Variants in SSH1 observed in about 807,000 individuals in gnomAD.
SSH1 encodes slingshot protein phosphatase 1.
Under a neutral mutation model 79.7 loss-of-function variants are expected in SSH1, and 43 were observed. The ratio of observed to expected loss-of-function variants is 0.54; its 90% CI spans 0.42 to 0.70. The LOEUF is 0.70. Ranked by LOEUF, SSH1 falls within the 30% of genes least tolerant of loss-of-function variation. The probability of loss-of-function intolerance (pLI) is 0.00; values close to 1 mark genes in which losing one functional copy is unlikely to be tolerated. For missense variants in SSH1, 1,206 were observed against 1,358.8 expected, an observed-to-expected ratio of 0.89 and a Z score of 1.77; for synonymous variants, 599 against 538.3, an observed-to-expected ratio of 1.11 and a Z score of -1.56.
chr12:108,825,259 G>A (rs2038268353), intron 2 of SSH1, among the ~76,000 whole-genome samples: 4 of 152,268 alleles, frequency 2.6e-5, no homozygotes, highest in African/African-American at 9.6e-5. Flanking sequence ...ACAGAAAGAC[G>A]AAGATGTTTT....
intron 2 of SSH1, among the ~76,000 whole-genome samples, chr12:108,832,314 AAAAGAAAAGAAAAG>A (rs2038494608): frequency 1.0e-5 from 1 of 97,330 alleles, no homozygotes; most frequent in African/African-American, 4.0e-5. Flanking sequence ...CCCGCCTCCC[AAAAGAAAAGAAAAG>A]AAAGAAAAGA....
At chr12:108,796,048 T>A (rs2036737777) in intron 13 of SSH1, among the ~76,000 whole-genome samples, 1 of 151,654 alleles carries the variant, frequency 6.6e-6, no homozygotes, top group Non-Finnish European at 1.5e-5. Flanking sequence ...TCCAAGTAGC[T>A]GGGATTACAG....
At chr12:108,829,591 G>C (rs769589877) in intron 2 of SSH1, among the ~76,000 whole-genome samples, 2 of 152,178 alleles carry the variant, frequency 1.3e-5, no homozygotes, top group East Asian at 3.8e-4. Context: ...TGATCTGGGT[G>C]TCTGCCCTGC....
intron 14 of SSH1, 34 bp downstream of exon 14, chr12:108,792,252 G>A (rs752493265): frequency 1.2e-6 from 2 of 1,614,148 alleles, no homozygotes. Context: ...GGAAGGGATG[G>A]GGTGTGCCAC....
chr12:108,841,152 C>A (rs78705610), intron 2 of SSH1, among the ~76,000 whole-genome samples: 3,334 of 152,296 alleles, frequency 0.022, 130 homozygotes, highest in African/African-American at 0.077. Flanking sequence ...CAGATGACGC[C>A]TCTCAAGATG....
At chr12:108,804,937 G>A in intron 10 of SSH1, 119 bp downstream of exon 10, 1 of 1,256,196 alleles carries the variant, frequency 8.0e-7, no homozygotes, top group Non-Finnish European at 1.1e-6. Context: ...CCAGGATGGA[G>A]GCTCTGGCAA....
In SSH1 at chr12:108,789,237, G is replaced by A. The variant is rs1403760937; in HGVS notation, c.1901C>T (p.Ala634Val). ...CACTTTGTTAAGGATCCCAAATATA[G>A]CATCATCCTGCAAGGAAGGGGACAA... is the stretch of plus-strand genomic sequence containing the variant. ...RSCPNGMEDDAIFGILNKVKP... is the reference protein window; with the variant it reads ...RSCPNGMEDDVIFGILNKVKP... Residue 634 changes from alanine to valine, a missense_variant, in exon 15 of 15, where the codon GCT becomes GTT. Transcript: ENST00000326495. The A allele has an allele frequency of 6.3e-7, 1 of 1,592,838 alleles. No homozygotes were observed. Among genetic ancestry groups the A allele is most frequent in the South Asian group, 1.1e-5 (1 of 88,150 alleles).
chr12:108,823,267 T>C lies in SSH1; in HGVS notation c.205A>G (p.Lys69Glu). ...AACTTAGAGCCCTCACCTGCATGCT[T>C]GTGGGGGTGCTGAAGACTCCGCTGG... The part of the protein sequence containing the change: ...QGQRSLQHPH[K>E]HAGDLPQHLQ... The change falls in exon 3 of 15, where the codon AAG (lysine) becomes GAG (glutamate). Residue 69 changes from lysine (K) to glutamate (E), a missense_variant. This residue lies in a region of SSH1 where 100 missense variants were observed against 82.3 expected (regional missense o/e 1.21). Coordinates refer to ENST00000326495, the MANE Select transcript of SSH1 (RefSeq NM_018984.4). 6.3e-7 allele frequency: 1 copy of C among 1,584,150 alleles called. No individual in the cohort carries two copies. Among genetic ancestry groups the C allele is most frequent in the Admixed American group, 1.8e-5 (1 of 55,356 alleles).
At chr12:108,840,197 C>A (rs2038742232) in intron 2 of SSH1, among the ~76,000 whole-genome samples, 1 of 152,172 alleles carries the variant, frequency 6.6e-6, no homozygotes, top group South Asian at 2.1e-4. Flanking sequence ...GCAGGAGCCC[C>A]CGCACCCTCC....
intron 5 of SSH1, among the ~76,000 whole-genome samples, chr12:108,816,823 A>AAT (rs2037910285): frequency 6.6e-6 from 1 of 152,174 alleles, no homozygotes; most frequent in Non-Finnish European, 1.5e-5. Context: ...CTCTCAATTG[A>AAT]CTGAGTTCTG....
chr12:108,807,865 C>G lies in SSH1; in HGVS notation c.537-38G>C. 2 of 1,599,282 alleles carry G rather than the reference C, an allele frequency of 1.3e-6. No individual in the cohort carries two copies. The highest frequency in any genetic ancestry group is 1.7e-6 in the Non-Finnish European group (2 of 1,168,192). ...GAAGACAGGGTCAGGCCTGGGAAGGCACAAGAGATGCAGGGTTTTCTCCTC... is the reference window on the plus strand; with the variant it reads ...GAAGACAGGGTCAGGCCTGGGAAGGGACAAGAGATGCAGGGTTTTCTCCTC... On this transcript the variant is annotated intron_variant, in intron 7 of 14. Transcript: ENST00000326495. This position sits in a 1 kb window ranked among gnomAD's most constrained non-coding sequence, Gnocchi z 5.2.
At chr12:108,842,097 C>T (rs548907773) in intron 2 of SSH1, among the ~76,000 whole-genome samples, 2 of 151,954 alleles carry the variant, frequency 1.3e-5, no homozygotes, top group Non-Finnish European at 2.9e-5. Context: ...CCACTGTACT[C>T]CAGTCTGGGC....
In SSH1 at chr12:108,799,173, A is replaced by G; in HGVS notation, c.1176T>C (p.His392=). The G allele has an allele frequency of 6.2e-7, 1 of 1,614,040 alleles. No homozygotes were observed. The highest frequency in any genetic ancestry group is 8.5e-7 in the Non-Finnish European group (1 of 1,179,974). ...AKRNHSKCLV[H]CKMGVSRSAS... ...CCGAGCGACTCACGCCCATTTTGCA[A>G]TGCACCAGGCACTTGGAATGGTTCC... Residue 392 remains histidine (H), a synonymous_variant, in exon 13 of 15, where the codon CAT becomes CAC. Transcript: ENST00000326495.
intron 7 of SSH1, among the ~76,000 whole-genome samples, chr12:108,809,296 A>AT (rs923040127): frequency 2.6e-5 from 4 of 151,844 alleles, no homozygotes; most frequent in African/African-American, 7.3e-5. Flanking sequence ...TACAAAAAAA[A>AT]AAATAGAAAA....
At chr12:108,832,052 A>G (rs1447062297) in intron 2 of SSH1, among the ~76,000 whole-genome samples, 1 of 152,188 alleles carries the variant, frequency 6.6e-6, no homozygotes, top group African/African-American at 2.4e-5. Context: ...TTGTCCCTAC[A>G]TTTTTCCACT....
intron 1 of SSH1, chr12:108,853,176 G>A: frequency 2.0e-6 from 2 of 985,434 alleles, no homozygotes; most frequent in Non-Finnish European, 2.4e-6. Context: ...CCGTCTGTTT[G>A]TGGGTCTTGA....
chr12:108,797,322 G>C (rs2036794950), intron 13 of SSH1, among the ~76,000 whole-genome samples: 2 of 151,886 alleles, frequency 1.3e-5, no homozygotes, highest in African/African-American at 4.8e-5. Context: ...TAGAGACAGG[G>C]TCTCAGCATG....
chr12:108,815,013 C>T (rs1445173394), intron 5 of SSH1, among the ~76,000 whole-genome samples: 3 of 152,212 alleles, frequency 2.0e-5, no homozygotes, highest in African/African-American at 7.2e-5. Context: ...CCTGATGTGG[C>T]CCCAGCACCT....
intron 8 of SSH1, among the ~76,000 whole-genome samples, chr12:108,806,833 G>T (rs1040414191): frequency 3.3e-5 from 5 of 152,298 alleles, no homozygotes; most frequent in Middle Eastern, 3.4e-3. Context: ...CCCTGCTCTG[G>T]TTTTAACTCT....
Sources: allele counts gnomAD v4.1 joint callset (sites outside exome capture counted in the v4.1 genomes callset), GRCh38; gene constraint gnomAD v4.1.1; regional missense constraint gnomAD v4.1.1; non-coding constraint Gnocchi (gnomAD v3.1); transcripts MANE v1.5; gene names NCBI Gene and HGNC (gene_info 2026-07-23, HGNC 2026-07-21).